FAT4: variants seen among roughly 807,000 people sequenced by gnomAD.
FAT4 encodes the protein protocadherin Fat 4.
FAT4 carries 84 observed loss-of-function variants against 303.9 expected under a neutral mutation model. That is an observed-to-expected ratio of 0.28 (90% CI 0.23 to 0.33). The LOEUF (loss-of-function observed/expected upper bound fraction) is 0.33, where lower values mean the gene tolerates loss of function less well. Among genes scored for constraint, FAT4 ranks in the 10% least tolerant of loss-of-function variants. The probability of loss-of-function intolerance (pLI) is 1.00; values close to 1 mark genes in which losing one functional copy is unlikely to be tolerated. For missense variants in FAT4, 6,005 were observed against 6,146.8 expected (o/e 0.98, Z 0.77); for synonymous variants, 2,307 against 2,298.8 (o/e 1.00, Z -0.10).
intron 10 of FAT4, among the ~76,000 whole-genome samples, chr4:125,455,177 T>A (rs1263492617): frequency 6.6e-6 from 1 of 152,150 alleles, no homozygotes; most frequent in Non-Finnish European, 1.5e-5. Flanking sequence ...TTATTCACAC[T>A]TAGGTTTAGA....
At chr4:125,331,307 A>G (rs1731374038) in intron 2 of FAT4, among the ~76,000 whole-genome samples, 6 of 152,184 alleles carry the variant, frequency 3.9e-5, no homozygotes, top group Admixed American at 3.9e-4. Flanking sequence ...TACTGTTGAT[A>G]ATGCTGCAAA....
At chr4:125,395,184 C>T (rs1734120804) in intron 2 of FAT4, among the ~76,000 whole-genome samples, 1 of 152,106 alleles carries the variant, frequency 6.6e-6, no homozygotes, top group African/African-American at 2.4e-5. Context: ...ACTGAGATAA[C>T]TTTGCCAAAC....
At chr4:125,456,688 C>G (rs1726292878) in intron 10 of FAT4, among the ~76,000 whole-genome samples, 1 of 152,056 alleles carries the variant, frequency 6.6e-6, no homozygotes. Context: ...AAGGATCATT[C>G]TGAGTTATTC....
Position 125,441,629 on chromosome 4 carries a change from C to A in FAT4, c.7200-4664C>A, listed in dbSNP as rs1560610071. The stretch of plus-strand genomic sequence containing the variant: ...AAGCTGGAGTCAGTGAATTAAAGGG[C>A]AATGGCAGAAGTATGCATCAACATG... On this transcript the variant is annotated intron_variant, in intron 8 of 17. Coordinates refer to ENST00000394329, the MANE Select transcript of FAT4 (RefSeq NM_001291303.3). Among the ~76,000 whole-genome samples the A allele has an allele frequency of 9.2e-5, 14 of 152,248 alleles. No individual in the cohort carries two copies. In the South Asian group the frequency reaches 2.9e-3, roughly 32 times the overall value.
At chr4:125,462,572 G>C (rs17009718) in intron 10 of FAT4, among the ~76,000 whole-genome samples, 3,779 of 151,926 alleles carry the variant, frequency 0.025, 161 homozygotes, top group African/African-American at 0.088. Context: ...TTTAAGTTTA[G>C]GTAAAAATAA....
chr4:125,446,772 A>G (rs1032475822), intron 9 of FAT4, among the ~76,000 whole-genome samples: 1 of 151,936 alleles, frequency 6.6e-6, no homozygotes, highest in African/African-American at 2.4e-5. Flanking sequence ...ATTGTTATGT[A>G]TTATTATTTC....
At chr4:125,399,942 T>A (rs1387014569) in intron 3 of FAT4, among the ~76,000 whole-genome samples, 2 of 151,968 alleles carry the variant, frequency 1.3e-5, no homozygotes, top group African/African-American at 4.8e-5. Context: ...ATATGTGATA[T>A]CATTAGCCAT....
At position 125,320,092 on chromosome 4, in the gene FAT4, A is replaced by T. The variant is rs756652048; in HGVS notation, c.3681A>T (p.Thr1227=). The T allele has an allele frequency of 6.2e-7, 1 of 1,613,996 alleles. No individual in the cohort carries two copies. The highest frequency in any genetic ancestry group is 8.5e-7 in the Non-Finnish European group (1 of 1,179,910). ...TATCAGAATCAGCAGCCAATCTGAC[A>T]CAAGTGTTAAGAGTATCTGCCTCAG... The part of the protein sequence containing the change: ...ATISESAANL[T]QVLRVSASDV... The change falls in exon 2 of 18, where the codon ACA becomes ACT. Residue 1227 remains threonine (T), a synonymous_variant. Coordinates refer to ENST00000394329, the MANE Select transcript of FAT4 (RefSeq NM_001291303.3).
Position 125,489,977 on chromosome 4 carries a change from C to T in FAT4, c.13161C>T (p.Ala4387=), listed in dbSNP as rs745874011. The stretch of plus-strand genomic sequence containing the variant: ...CTTTCAGCGGGAAGCATAGCTTGGC[C>T]TCCATCTCAAAAACAGATCCCTCAG... The part of the protein sequence containing the change: ...SLPFSGKHSL[A]SISKTDPSVK... The change falls in exon 18 of 18, where the codon GCC becomes GCT. Residue 4387 remains alanine (A), a synonymous_variant. Transcript: ENST00000394329. The T allele has an allele frequency of 3.3e-5, 54 of 1,612,758 alleles. No individual in the cohort carries two copies. Among genetic ancestry groups the T allele is most frequent in the Middle Eastern group, 1.6e-4 (1 of 6,076 alleles).
intron 10 of FAT4, among the ~76,000 whole-genome samples, chr4:125,456,620 G>T (rs1458235955): frequency 2.6e-5 from 4 of 152,046 alleles, no homozygotes; most frequent in Non-Finnish European, 5.9e-5. Context: ...CTTTAAATTA[G>T]AAATGTATTG....
rs1727638964 is a variant in FAT4 at position 125,491,468 on chromosome 4, T to C, written c.14652T>C (p.Asp4884=). ...QVNESDADDE[D]NYGARLKPRR... is the part of the protein sequence containing the mutation. Reference sequence around the variant, plus strand: ...ATGAATCTGATGCAGATGATGAAGATAATTATGGAGCCAGACTGAAGCCTC... The same window carrying C: ...ATGAATCTGATGCAGATGATGAAGACAATTATGGAGCCAGACTGAAGCCTC... The change falls in exon 18 of 18, where the codon GAT becomes GAC. Residue 4884 remains aspartate (D), a synonymous_variant. Coordinates refer to ENST00000394329, the MANE Select transcript of FAT4 (RefSeq NM_001291303.3). 5 of 1,614,140 alleles carry C rather than the reference T, an allele frequency of 3.1e-6. No homozygotes were observed. Among genetic ancestry groups the C allele is most frequent in the Non-Finnish European group, 3.4e-6 (4 of 1,180,030 alleles).
At chr4:125,338,984 G>T (rs1238763727) in intron 2 of FAT4, among the ~76,000 whole-genome samples, 1 of 152,070 alleles carries the variant, frequency 6.6e-6, no homozygotes, top group African/African-American at 2.4e-5. Context: ...CTGCTTATCA[G>T]TCCTGATGTG....
rs753450045 is a variant in FAT4, at chr4:125,330,726, A to G, written c.5175+9140A>G. ...TAAGTGAATGAATGAATGAACTGGC[A>G]TCTCAGCCTTTGTCCTTGTCCCCTT... On this transcript the variant is annotated intron_variant, in intron 2 of 17. Coordinates refer to ENST00000394329, the MANE Select transcript of FAT4 (RefSeq NM_001291303.3). 6.6e-5 allele frequency among the ~76,000 whole-genome samples: 10 copies of G among 152,354 alleles called. 1 individual carries two copies. The highest frequency in any genetic ancestry group is 6.8e-3 in the Middle Eastern group (2 of 294).
At chr4:125,343,287 G>T (rs895922093) in intron 2 of FAT4, among the ~76,000 whole-genome samples, 4 of 151,998 alleles carry the variant, frequency 2.6e-5, no homozygotes, top group Non-Finnish European at 4.4e-5. Context: ...ACCTAGTTAC[G>T]TTAAACCATA....
intron 10 of FAT4, among the ~76,000 whole-genome samples, chr4:125,454,173 A>T (rs1260850815): frequency 6.6e-6 from 1 of 152,220 alleles, no homozygotes; most frequent in Non-Finnish European, 1.5e-5. Context: ...TAGATGTATT[A>T]CAGAATAATA....
intron 2 of FAT4, among the ~76,000 whole-genome samples, chr4:125,387,003 C>A (rs1320479347): frequency 6.6e-6 from 1 of 152,094 alleles, no homozygotes; most frequent in Non-Finnish European, 1.5e-5. Flanking sequence ...CTAGATCCTT[C>A]GCATGCACCA....
intron 13 of FAT4, among the ~76,000 whole-genome samples, chr4:125,476,829 G>A (rs555672485): frequency 3.3e-5 from 5 of 152,174 alleles, no homozygotes; most frequent in East Asian, 1.9e-4. Context: ...GTAATCTAAC[G>A]TAAATATTAG....
chr4:125,394,616 T>C (rs1734097271), intron 2 of FAT4, among the ~76,000 whole-genome samples: 1 of 152,178 alleles, frequency 6.6e-6, no homozygotes, highest in Non-Finnish European at 1.5e-5. Flanking sequence ...AGTTATTGTT[T>C]CCTGCTTTTT....
chr4:125,435,111 A>T (rs929975416), intron 8 of FAT4, among the ~76,000 whole-genome samples: 1 of 152,220 alleles, frequency 6.6e-6, no homozygotes, highest in Non-Finnish European at 1.5e-5. Flanking sequence ...TCTAATAAGA[A>T]TATTTGTGTA....
Sources: allele counts gnomAD v4.1 joint callset (sites outside exome capture counted in the v4.1 genomes callset), GRCh38; gene constraint gnomAD v4.1.1; transcripts MANE v1.5; gene names NCBI Gene and HGNC (gene_info 2026-07-23, HGNC 2026-07-21).